BMAL1: variants seen among roughly 807,000 people sequenced by gnomAD.
BMAL1 encodes basic helix-loop-helix ARNT-like protein 1.
the BMAL1 span, chr11:13,355,174 G>C: frequency 6.6e-7 from 1 of 1,520,424 alleles, no homozygotes; most frequent in Non-Finnish European, 9.0e-7. Flanking sequence ...TTTAATGAGG[G>C]AAAATCTCCG....
chr11:13,380,168 C>T, the BMAL1 span: 1 of 152,218 alleles, frequency 6.6e-6, no homozygotes, highest in Non-Finnish European at 1.5e-5. Context: ...GTGGGGGACA[C>T]TCAGCAATTT....
the BMAL1 span, among the ~76,000 whole-genome samples, chr11:13,363,016 T>C: frequency 6.6e-6 from 1 of 151,546 alleles, no homozygotes; most frequent in East Asian, 1.9e-4. Context: ...ACAAACCCTT[T>C]TGTGTACTTA....
chr11:13,277,435 C>A, the BMAL1 span, among the ~76,000 whole-genome samples: 1 of 152,184 alleles, frequency 6.6e-6, no homozygotes, highest in Non-Finnish European at 1.5e-5. Context: ...GGGCGAGGAA[C>A]CCAGGGAGCG....
chr11:13,338,066 A>T, the BMAL1 span, among the ~76,000 whole-genome samples: 1 of 152,190 alleles, frequency 6.6e-6, no homozygotes, highest in African/African-American at 2.4e-5. Context: ...TCCTGCACTG[A>T]GTATTTTCTC....
At chr11:13,367,400 A>G in the BMAL1 span, among the ~76,000 whole-genome samples, 1 of 152,122 alleles carries the variant, frequency 6.6e-6, no homozygotes, top group African/African-American at 2.4e-5. Flanking sequence ...ACAGTTAAGA[A>G]TGAGAGAATG....
At chr11:13,310,865 A>T in the BMAL1 span, among the ~76,000 whole-genome samples, 2 of 152,356 alleles carry the variant, frequency 1.3e-5, 1 homozygote, top group South Asian at 4.1e-4. Flanking sequence ...TTTTAGGAAC[A>T]TTCATCTGAT....
chr11:13,385,834 A>G, the BMAL1 span: 1 of 1,446,678 alleles, frequency 6.9e-7, no homozygotes, highest in Non-Finnish European at 9.7e-7. Flanking sequence ...TGAGCTTGCA[A>G]AACATCTTAC....
At chr11:13,344,789 G>A in the BMAL1 span, among the ~76,000 whole-genome samples, 185 of 152,276 alleles carry the variant, frequency 1.2e-3, no homozygotes, top group Non-Finnish European at 2.2e-4. Flanking sequence ...AGCATAAACA[G>A]GTCAGAGCAA....
At chr11:13,326,844 G>A in the BMAL1 span, among the ~76,000 whole-genome samples, 6 of 151,670 alleles carry the variant, frequency 4.0e-5, no homozygotes, top group East Asian at 9.8e-4. Flanking sequence ...TTTTGAGACA[G>A]AGTCTCGCTC....
chr11:13,355,988 G>A, the BMAL1 span, among the ~76,000 whole-genome samples: 1 of 152,154 alleles, frequency 6.6e-6, no homozygotes, highest in Admixed American at 6.5e-5. Flanking sequence ...TGGAGAAGGC[G>A]GTGAGGGGGA....
At chr11:13,360,113 C>CT in the BMAL1 span, among the ~76,000 whole-genome samples, 1 of 152,182 alleles carries the variant, frequency 6.6e-6, no homozygotes, top group Non-Finnish European at 1.5e-5. Flanking sequence ...GAAAAACAGG[C>CT]TTGTTAGGTC....
chr11:13,376,578 T>TG, the BMAL1 span: 2 of 1,545,074 alleles, frequency 1.3e-6, no homozygotes, highest in African/African-American at 2.7e-5. Context: ...TTGGCCAAGT[T>TG]GAATGGTGCA....
chr11:13,299,506 G>A, the BMAL1 span, among the ~76,000 whole-genome samples: 9 of 152,152 alleles, frequency 5.9e-5, no homozygotes, highest in East Asian at 5.8e-4. Flanking sequence ...GCATGGTTAG[G>A]TAGGTGGTTT....
the BMAL1 span, among the ~76,000 whole-genome samples, chr11:13,338,969 A>G: frequency 6.6e-6 from 1 of 152,202 alleles, no homozygotes; most frequent in South Asian, 2.1e-4. Flanking sequence ...TAGACATCTC[A>G]TAGGCATCCC....
At chr11:13,386,791 C>G in the BMAL1 span, 1 of 1,604,468 alleles carries the variant, frequency 6.2e-7, no homozygotes, top group East Asian at 2.2e-5. Context: ...GCTATAGTAT[C>G]AAAGTGCATT....
the BMAL1 span, among the ~76,000 whole-genome samples, chr11:13,334,058 G>A: frequency 4.6e-5 from 7 of 152,252 alleles, no homozygotes; most frequent in East Asian, 1.4e-3. Context: ...CTCCGTACGT[G>A]AATTGTCTTA....
At chr11:13,301,835 A>G in the BMAL1 span, among the ~76,000 whole-genome samples, 1 of 152,230 alleles carries the variant, frequency 6.6e-6, no homozygotes, top group Non-Finnish European at 1.5e-5. Flanking sequence ...TACTGTTATT[A>G]TCCCCATTTT....
At chr11:13,358,813 A>G in the BMAL1 span, among the ~76,000 whole-genome samples, 11 of 152,382 alleles carry the variant, frequency 7.2e-5, no homozygotes, top group East Asian at 1.9e-3. Context: ...TTCTCAGAGC[A>G]TAGAAACTGT....
the BMAL1 span, chr11:13,355,380 C>G: frequency 7.8e-7 from 1 of 1,279,960 alleles, no homozygotes; most frequent in Non-Finnish European, 1.1e-6. Flanking sequence ...TCTTCCATAG[C>G]AGTAACTCCC....
Sources: gnomAD v4.1 joint callset for allele counts (sites outside exome capture counted in the v4.1 genomes callset) on GRCh38, gnomAD v4.1.1 for gene constraint, MANE v1.5 for transcripts, NCBI Gene and HGNC (gene_info 2026-07-23, HGNC 2026-07-21) for gene names.